The following PRKG1 variants were observed in gnomAD, a reference collection of about 807,000 sequenced individuals.
The protein encoded by PRKG1 is protein kinase cGMP-dependent 1, also known as cGMP-dependent protein kinase 1.
A neutral mutation model predicts 88.1 loss-of-function variants in PRKG1; 35 were observed. The ratio of observed to expected loss-of-function variants is 0.40; its 90% CI spans 0.30 to 0.53. PRKG1 has a LOEUF of 0.53. Ranked by LOEUF, PRKG1 falls within the 20% of genes least tolerant of loss-of-function variation. The pLI, the probability that PRKG1 is intolerant of heterozygous loss-of-function variation, is 0.59. For synonymous variants in PRKG1, 303 were observed against 292.5 expected (o/e 1.04, Z -0.37); for missense variants, 540 against 839.8 (o/e 0.64, Z 4.41).
Position 51,946,457 on chromosome 10 carries a change from A to G in PRKG1, c.762+38887A>G, listed in dbSNP as rs184589765. ...GATCGCCTGAAGCCTTCTTCTCTCA[A>G]CTCGTCAAAGTCATTCTCTGTCCAG... On this transcript the variant is annotated intron_variant, in intron 5 of 17. Coordinates refer to ENST00000373980, the MANE Select transcript of PRKG1 (RefSeq NM_006258.4). Among the ~76,000 whole-genome samples the G allele has an allele frequency of 2.6e-3, 394 of 151,966 alleles. 6 individuals carry two copies. Among genetic ancestry groups the G allele is most frequent in the African/African-American group, 8.8e-3 (366 of 41,366 alleles).
At chr10:51,519,170 C>T (rs1369163086) in intron 3 of PRKG1, among the ~76,000 whole-genome samples, 2 of 152,088 alleles carry the variant, frequency 1.3e-5, no homozygotes, top group African/African-American at 4.8e-5. Context: ...TGATATGTGG[C>T]ATTTTTTCTA....
chr10:51,754,069 C>A (rs1200830602), intron 3 of PRKG1, among the ~76,000 whole-genome samples: 2 of 152,016 alleles, frequency 1.3e-5, no homozygotes, highest in African/African-American at 4.8e-5. Flanking sequence ...TAGCTCCTTT[C>A]TTCTTCTGGG....
chr10:51,636,500 A>G (rs1392041515), intron 3 of PRKG1, among the ~76,000 whole-genome samples: 1 of 152,262 alleles, frequency 6.6e-6, no homozygotes, highest in African/African-American at 2.4e-5. Flanking sequence ...GAACACAGCT[A>G]TGTGAGTGAG....
chr10:52,041,195 G>C (rs1328505082), intron 5 of PRKG1, among the ~76,000 whole-genome samples: 1 of 152,060 alleles, frequency 6.6e-6, no homozygotes, highest in Middle Eastern at 3.2e-3. Context: ...AATTGATGTT[G>C]AATTTTGTCA....
rs1842421065 is a variant in PRKG1, at chr10:52,298,202, TTGAC to T, written c.*4303_*4306del. ...GCAACAAACTGTCATCAAATGGTCA[TTGAC>T]CACTTGCACTCTTTTGATGTAGATT... is the stretch of plus-strand genomic sequence containing the variant. On this transcript the variant is annotated 3_prime_UTR_variant, in exon 18 of 18. Coordinates refer to ENST00000373980, the MANE Select transcript of PRKG1 (RefSeq NM_006258.4). The T allele has an allele frequency of 6.6e-6, 1 of 152,054 alleles. No homozygotes were observed. The highest frequency in any genetic ancestry group is 2.4e-5 in the African/African-American group (1 of 41,402). The allele number at this position is 152,054 out of a possible 1,614,324, so 9.4% of individuals were successfully genotyped here.
At chr10:52,204,452 C>A (rs960078401) in intron 9 of PRKG1, among the ~76,000 whole-genome samples, 2 of 152,060 alleles carry the variant, frequency 1.3e-5, no homozygotes, top group East Asian at 1.9e-4. Context: ...AAGTCAGGGA[C>A]CCCGAATGGA....
At chr10:51,346,043 G>A (rs569516259) in intron 2 of PRKG1, among the ~76,000 whole-genome samples, 87 of 152,252 alleles carry the variant, frequency 5.7e-4, no homozygotes, top group African/African-American at 2.0e-3. Flanking sequence ...TATTATAAAT[G>A]GTTACTTGAT....
At chr10:51,101,292 C>T (rs1005730838) in intron 1 of PRKG1, among the ~76,000 whole-genome samples, 4 of 152,110 alleles carry the variant, frequency 2.6e-5, no homozygotes, top group East Asian at 1.9e-4. Context: ...TTACCATGTA[C>T]GGACACAACA....
chr10:52,275,034 T>C (rs1405799691), intron 12 of PRKG1, among the ~76,000 whole-genome samples: 1 of 152,176 alleles, frequency 6.6e-6, no homozygotes, highest in East Asian at 1.9e-4. Context: ...GATTATTTGT[T>C]TTTTTCTTAC....
chr10:51,930,548 C>T (rs554491222), intron 5 of PRKG1, among the ~76,000 whole-genome samples: 101 of 129,824 alleles, frequency 7.8e-4, no homozygotes, highest in Non-Finnish European at 1.3e-3. Context: ...TACAGTTCAG[C>T]GGCATGACCT....
intron 3 of PRKG1, among the ~76,000 whole-genome samples, chr10:51,617,452 C>A (rs895334373): frequency 6.6e-6 from 1 of 152,086 alleles, no homozygotes; most frequent in African/African-American, 2.4e-5. Context: ...CTGGTACCAG[C>A]ACCTATCTGC....
chr10:51,071,234 A>G (rs1347606546), upstream of PRKG1, among the ~76,000 whole-genome samples: 1 of 152,238 alleles, frequency 6.6e-6, no homozygotes, highest in Non-Finnish European at 1.5e-5. Context: ...AATATTGGAA[A>G]CACTCAAAAG....
intron 3 of PRKG1, among the ~76,000 whole-genome samples, chr10:51,773,962 A>G (rs1447426973): frequency 1.3e-5 from 2 of 152,100 alleles, no homozygotes; most frequent in Non-Finnish European, 2.9e-5. Context: ...GGAATATGGG[A>G]GAAAAACAAC....
At chr10:51,264,466 G>A (rs1319680726) in intron 2 of PRKG1, among the ~76,000 whole-genome samples, 1 of 152,172 alleles carries the variant, frequency 6.6e-6, no homozygotes, top group African/African-American at 2.4e-5. Flanking sequence ...AATAATATGT[G>A]TATGTATGGA....
At chr10:52,035,551 A>G (rs985520306) in intron 5 of PRKG1, among the ~76,000 whole-genome samples, 1 of 152,128 alleles carries the variant, frequency 6.6e-6, no homozygotes, top group African/African-American at 2.4e-5. Flanking sequence ...AGAGGAAAGA[A>G]GGAAATTTGG....
chr10:52,240,794 G>A (rs192027391), intron 9 of PRKG1, among the ~76,000 whole-genome samples: 148 of 152,226 alleles, frequency 9.7e-4, no homozygotes, highest in African/African-American at 3.4e-3. Context: ...AATGGATGGT[G>A]TTCTCAAAGA....
At chr10:51,184,904 G>T (rs1369178390) in intron 2 of PRKG1, among the ~76,000 whole-genome samples, 1 of 152,066 alleles carries the variant, frequency 6.6e-6, no homozygotes. Flanking sequence ...TATATCCCTT[G>T]GGAGAAACCT....
chr10:51,481,446 G>C (rs12770657), intron 3 of PRKG1, among the ~76,000 whole-genome samples: 2 of 151,796 alleles, frequency 1.3e-5, no homozygotes, highest in African/African-American at 2.4e-5. Flanking sequence ...ACAAGGTTTC[G>C]CCATGTTGGC....
At chr10:51,419,129 G>C (rs924868106) in intron 2 of PRKG1, among the ~76,000 whole-genome samples, 49 of 152,058 alleles carry the variant, frequency 3.2e-4, no homozygotes, top group African/African-American at 1.2e-3. Context: ...CATGTATTGT[G>C]ATTTTTATGA....
Sources: allele counts gnomAD v4.1 joint callset (sites outside exome capture counted in the v4.1 genomes callset), GRCh38; gene constraint gnomAD v4.1.1; transcripts MANE v1.5; gene names NCBI Gene and HGNC (gene_info 2026-07-23, HGNC 2026-07-21).